The following CAPZA1 variants were observed in gnomAD, a reference collection of about 807,000 sequenced individuals.
CAPZA1 encodes the protein F-actin-capping protein subunit alpha-1.
A neutral mutation model predicts 40.8 loss-of-function variants in CAPZA1; 10 were observed. The ratio of observed to expected loss-of-function variants is 0.25; its 90% CI spans 0.15 to 0.42. The LOEUF (loss-of-function observed/expected upper bound fraction) is 0.42, where lower values mean the gene tolerates loss of function less well. CAPZA1 is among the 10% of genes least tolerant of loss of function. CAPZA1 has a pLI of 1.00. For missense variants in CAPZA1, 277 were observed against 353.8 expected (o/e 0.78, Z 1.74); for synonymous variants, 98 against 115.0 (o/e 0.85, Z 0.95).
At chr1:112,645,451 C>T (rs1160911658) in intron 1 of CAPZA1, among the ~76,000 whole-genome samples, 1 of 151,906 alleles carries the variant, frequency 6.6e-6, no homozygotes, top group African/African-American at 2.4e-5. Flanking sequence ...ATAGTGAGAC[C>T]CTCTCTCTGC....
intron 1 of CAPZA1, among the ~76,000 whole-genome samples, chr1:112,646,401 A>C (rs1186763410): frequency 4.6e-5 from 7 of 151,952 alleles, no homozygotes; most frequent in Non-Finnish European, 4.4e-5. Flanking sequence ...GCATGATGAG[A>C]CCTGTCTCTA....
intron 7 of CAPZA1, among the ~76,000 whole-genome samples, chr1:112,664,281 G>A (rs1324170115): frequency 6.6e-6 from 1 of 151,702 alleles, no homozygotes; most frequent in African/African-American, 2.4e-5. Flanking sequence ...AACAAGGATA[G>A]GTAGGGGGTT....
At chr1:112,665,652 C>T (rs977494723) in intron 7 of CAPZA1, among the ~76,000 whole-genome samples, 4 of 152,132 alleles carry the variant, frequency 2.6e-5, no homozygotes, top group South Asian at 2.1e-4. Context: ...TGCATTCTCA[C>T]GTGACAGAAG....
chr1:112,632,076 G>A (rs938533905), intron 1 of CAPZA1, among the ~76,000 whole-genome samples: 1 of 152,188 alleles, frequency 6.6e-6, no homozygotes, highest in South Asian at 2.1e-4. Flanking sequence ...AAGTCAAGGC[G>A]GGCGGATCAC....
chr1:112,644,923 C>T (rs185498215), intron 1 of CAPZA1, among the ~76,000 whole-genome samples: 23 of 152,328 alleles, frequency 1.5e-4, no homozygotes, highest in African/African-American at 4.6e-4. Context: ...GGATCCAGAA[C>T]AGTCTTAGAG....
chr1:112,662,243 G>A (rs1196234069), intron 7 of CAPZA1, among the ~76,000 whole-genome samples: 1 of 151,994 alleles, frequency 6.6e-6, no homozygotes, highest in Non-Finnish European at 1.5e-5. Flanking sequence ...CAAGCACCTA[G>A]TGCTACAAGC....
chr1:112,639,594 A>C (rs1034386930), intron 1 of CAPZA1, among the ~76,000 whole-genome samples: 2 of 152,124 alleles, frequency 1.3e-5, no homozygotes, highest in Non-Finnish European at 1.5e-5. Flanking sequence ...TATTGCCTTT[A>C]GGATTTGGAC....
In CAPZA1 at chr1:112,669,944, C is replaced by T. The variant is rs763608345; in HGVS notation, c.721-48C>T. ...TATAGCATTACTTTTCTGTTCACAA[C>T]CAGCCCCATTTCTGTTCAAGCAACT... On this transcript the variant is annotated intron_variant, in intron 9 of 9. Transcript: ENST00000263168. 1.2e-5 allele frequency: 20 copies of T among 1,609,156 alleles called. No homozygotes were observed. In the East Asian group the frequency reaches 2.5e-4, roughly 20 times the overall value.
intron 1 of CAPZA1, chr1:112,620,217 A>G (rs1570692969): frequency 8.3e-6 from 2 of 240,158 alleles, no homozygotes; most frequent in East Asian, 1.8e-4. Flanking sequence ...GTTGCGACAT[A>G]TCAAAAAGCA....
chr1:112,671,074 A>G lies in CAPZA1; in HGVS notation c.*942A>G, dbSNP rs553929612. The stretch of plus-strand genomic sequence containing the variant: ...ACTAAAAATGAACCAAAGTGAAAGG[A>G]TAACTTCCAGGCAGTATCTTTCTAT... On this transcript the variant is annotated 3_prime_UTR_variant, in exon 10 of 10. Coordinates refer to ENST00000263168, the MANE Select transcript of CAPZA1 (RefSeq NM_006135.3). The G allele has an allele frequency of 6.5e-6, 1 of 152,770 alleles. No individual in the cohort carries two copies. Among genetic ancestry groups the G allele is most frequent in the Non-Finnish European group, 1.5e-5 (1 of 68,030 alleles). 9.5% of individuals were successfully genotyped at this position (152,770 alleles called of 1,614,324 possible). A position where few individuals can be genotyped will look rare whatever the true frequency, so the allele number is the denominator to read the frequency against.
intron 1 of CAPZA1, among the ~76,000 whole-genome samples, chr1:112,622,648 A>C (rs1292943840): frequency 6.6e-6 from 1 of 152,182 alleles, no homozygotes; most frequent in East Asian, 1.9e-4. Context: ...TTTGTGTACA[A>C]TTTCAAAAGT....
intron 5 of CAPZA1, among the ~76,000 whole-genome samples, chr1:112,658,505 C>A (rs1224489815): frequency 6.6e-6 from 1 of 152,190 alleles, no homozygotes; most frequent in Non-Finnish European, 1.5e-5. Context: ...ATCTTGAATA[C>A]CAGTATTGAT....
chr1:112,653,536 A>G, intron 3 of CAPZA1, 62 bp from the exon 4 acceptor site: 4 of 1,110,494 alleles, frequency 3.6e-6, no homozygotes, highest in East Asian at 5.0e-5. Flanking sequence ...TTATTTACAC[A>G]TAATTCTTTT....
At chr1:112,631,353 C>A (rs551908773) in intron 1 of CAPZA1, among the ~76,000 whole-genome samples, 2 of 152,284 alleles carry the variant, frequency 1.3e-5, no homozygotes, top group African/African-American at 4.8e-5. Context: ...AATTAAGGAT[C>A]TGCTGTATGG....
Position 112,655,483 on chromosome 1 carries a change from A to T in CAPZA1, c.426+812A>T, listed in dbSNP as rs145866214. 6.7e-5 allele frequency among the ~76,000 whole-genome samples: 5 copies of T among 74,862 alleles called. No individual in the cohort carries two copies. In the East Asian group the frequency reaches 2.8e-3, roughly 42 times the overall value. 49.1% of individuals were successfully genotyped at this position (74,862 alleles called of 152,430 possible). Reference sequence around the variant, plus strand: ...CAGAGTGAGACACTGTCTCAAAAAAACAAAAAACAAAAAAAACCAAACAAT... The same window carrying T: ...CAGAGTGAGACACTGTCTCAAAAAATCAAAAAACAAAAAAAACCAAACAAT... On this transcript the variant is annotated intron_variant, in intron 5 of 9. Coordinates refer to ENST00000263168, the MANE Select transcript of CAPZA1 (RefSeq NM_006135.3).
At position 112,653,764 on chromosome 1, in the gene CAPZA1, T is replaced by C; in HGVS notation, c.219+103T>C. ...AACCAGGTGCTGAATAAATTTGTCT[T>C]AGTTTTTATAGTTTTTGTGTGTACT... On this transcript the variant is annotated intron_variant, in intron 4 of 9. Coordinates refer to ENST00000263168, the MANE Select transcript of CAPZA1 (RefSeq NM_006135.3). 3 of 764,126 alleles carry C rather than the reference T, an allele frequency of 3.9e-6. No homozygotes were observed. The South Asian group carries it at 5.2e-5, about 13-fold the overall frequency. 47.3% of individuals were successfully genotyped at this position (764,126 alleles called of 1,614,324 possible). A position where few individuals can be genotyped will look rare whatever the true frequency, so the allele number is the denominator to read the frequency against.
chr1:112,620,163 A>T, intron 1 of CAPZA1: 1 of 350,038 alleles, frequency 2.9e-6, no homozygotes, highest in Non-Finnish European at 5.2e-6. Context: ...TTGGATCGTG[A>T]CTGTGGACTT....
At chr1:112,655,782 C>T (rs1236080115) in intron 5 of CAPZA1, among the ~76,000 whole-genome samples, 1 of 152,088 alleles carries the variant, frequency 6.6e-6, no homozygotes, top group East Asian at 1.9e-4. Flanking sequence ...AGGCTGGTCT[C>T]GAACTCCTAA....
rs150651063 is a variant in CAPZA1, at chr1:112,662,348, T to C, written c.585+2569T>C. Among the ~76,000 whole-genome samples, 178 of 151,608 alleles carry C rather than the reference T, an allele frequency of 1.2e-3. 1 individual carries two copies. The highest frequency in any genetic ancestry group is 4.1e-3 in the African/African-American group (168 of 41,418). On this transcript the variant is annotated intron_variant, in intron 7 of 9. Transcript: ENST00000263168. ...CTGGGTTAATTTCTAAAAATTATAA[T>C]AACATTAGTGTATTAGGTAATGAAA...
Sources: allele counts gnomAD v4.1 joint callset (sites outside exome capture counted in the v4.1 genomes callset), GRCh38; gene constraint gnomAD v4.1.1; transcripts MANE v1.5; gene names NCBI Gene and HGNC (gene_info 2026-07-23, HGNC 2026-07-21).